OPCML: variants seen among roughly 807,000 people sequenced by gnomAD.
OPCML encodes opioid binding protein/cell adhesion molecule like.
Under a neutral mutation model 37.8 loss-of-function variants are expected in OPCML, and 13 were observed. The observed-to-expected ratio is 0.34, with a 90% CI of 0.22 to 0.55. The LOEUF (loss-of-function observed/expected upper bound fraction) is 0.55. OPCML is among the 20% of genes least tolerant of loss of function. The pLI is 0.91. For synonymous variants in OPCML, 176 were observed against 168.8 expected, an observed-to-expected ratio of 1.04 and a Z score of -0.33; for missense variants, 341 against 435.6, an observed-to-expected ratio of 0.78 and a Z score of 1.93.
intron 1 of OPCML, chr11:133,360,869 G>A (rs1473490963): frequency 2.0e-5 from 3 of 152,294 alleles, no homozygotes; most frequent in African/African-American, 7.2e-5. Context: ...TCTCTTGGAA[G>A]TGGAGGCCAC....
intron 1 of OPCML, chr11:133,006,771 C>T (rs1412860756): frequency 7.1e-6 from 7 of 985,324 alleles, no homozygotes; most frequent in Middle Eastern, 5.2e-4. Flanking sequence ...ACAACGCCTG[C>T]CCCATGCACA....
At chr11:132,854,404 T>C (rs1591706549) in intron 2 of OPCML, among the ~76,000 whole-genome samples, 1 of 152,192 alleles carries the variant, frequency 6.6e-6, no homozygotes, top group African/African-American at 2.4e-5. Context: ...TCATTGACCA[T>C]TGGTGATCAA....
At position 133,440,764 on chromosome 11, in the gene OPCML, A is replaced by G. The variant is rs780876388; in HGVS notation, c.61+91500T>C. ...AAAAAAACAGAAACCTACAGCAATTATATATATATATATATATCTGTGTGT... is the reference window on the plus strand; with the variant it reads ...AAAAAAACAGAAACCTACAGCAATTGTATATATATATATATATCTGTGTGT... On this transcript the variant is annotated intron_variant, in intron 1 of 7. Coordinates refer to ENST00000524381, the MANE Select transcript of OPCML (RefSeq NM_001012393.5). 1.1e-4 allele frequency among the ~76,000 whole-genome samples: 12 copies of G among 107,170 alleles called. 2 individuals are homozygous for G. Among genetic ancestry groups the G allele is most frequent in the African/African-American group, 2.1e-4 (2 of 9,634 alleles). The allele number at this position is 107,170 out of a possible 152,430, so 70.3% of individuals were successfully genotyped here.
At position 133,422,392 on chromosome 11, in the gene OPCML, T is replaced by TA. The variant is rs1945909519; in HGVS notation, c.61+109871dup. On this transcript the variant is annotated intron_variant, in intron 1 of 7. Transcript: ENST00000524381. ...ACCAAAGACATTATATATATATATA[T>TA]ATGTATATATGCGCCAGTTCAAACC... The TA allele has an allele frequency of 1.9e-5, 17 of 889,476 alleles. 1 individual carries two copies. The highest frequency in any genetic ancestry group is 2.1e-5 in the Non-Finnish European group (16 of 755,700). 55.1% of individuals were successfully genotyped at this position (889,476 alleles called of 1,614,324 possible). A position where few individuals can be genotyped will look rare whatever the true frequency, so the allele number is the denominator to read the frequency against.
chr11:132,764,434 G>A (rs1405277211), intron 2 of OPCML, among the ~76,000 whole-genome samples: 1 of 152,198 alleles, frequency 6.6e-6, no homozygotes, highest in Non-Finnish European at 1.5e-5. Context: ...GTGACTAACT[G>A]CATGACTGCA....
intron 3 of OPCML, among the ~76,000 whole-genome samples, chr11:132,645,089 C>A (rs1437322683): frequency 1.3e-5 from 2 of 152,196 alleles, no homozygotes; most frequent in African/African-American, 4.8e-5. Flanking sequence ...GCCAGGGCAA[C>A]CATCAGGGCA....
chr11:133,088,993 T>G (rs1412633753), intron 1 of OPCML, among the ~76,000 whole-genome samples: 2 of 152,224 alleles, frequency 1.3e-5, no homozygotes, highest in Non-Finnish European at 2.9e-5. Context: ...GTAAGTAATG[T>G]AGTTTCTAGA....
intron 1 of OPCML, among the ~76,000 whole-genome samples, chr11:133,340,479 T>C (rs985004010): frequency 1.6e-4 from 25 of 151,660 alleles, no homozygotes; most frequent in African/African-American, 6.1e-4. Flanking sequence ...CTGATCCCTA[T>C]ATAACTATTC....
intron 2 of OPCML, among the ~76,000 whole-genome samples, chr11:132,721,034 C>A (rs185512106): frequency 1.3e-5 from 2 of 152,086 alleles, no homozygotes; most frequent in African/African-American, 4.8e-5. Context: ...ATACAGAATC[C>A]CCATTTCTTC....
chr11:132,924,521 TTATC>T (rs1944924154), intron 2 of OPCML, among the ~76,000 whole-genome samples: 2 of 152,256 alleles, frequency 1.3e-5, no homozygotes, highest in Admixed American at 1.3e-4. Flanking sequence ...GAGAAAGTCT[TTATC>T]TATGTTGATG....
At chr11:132,843,056 A>G (rs2659611) in intron 2 of OPCML, among the ~76,000 whole-genome samples, 78,667 of 149,046 alleles carry the variant, frequency 0.53, 21,493 homozygotes, top group Non-Finnish European at 0.62. Context: ...ATTCTTTTAC[A>G]CTTCTACTGT....
intron 1 of OPCML, among the ~76,000 whole-genome samples, chr11:133,192,541 C>T (rs189011956): frequency 6.6e-6 from 1 of 152,178 alleles, no homozygotes; most frequent in African/African-American, 2.4e-5. Context: ...TTGTTTCCAC[C>T]GCTGGTTGCC....
At chr11:132,993,340 G>C (rs537395083) in intron 1 of OPCML, among the ~76,000 whole-genome samples, 39 of 152,176 alleles carry the variant, frequency 2.6e-4, no homozygotes, top group Admixed American at 3.3e-4. Flanking sequence ...TTCTGTCCTC[G>C]GGAGCATATT....
At chr11:133,135,397 G>T (rs1467875564) in intron 1 of OPCML, among the ~76,000 whole-genome samples, 3 of 150,814 alleles carry the variant, frequency 2.0e-5, no homozygotes, top group Non-Finnish European at 4.4e-5. Flanking sequence ...TCTTTCCTGT[G>T]CAAGAGGTGG....
chr11:132,693,891 G>T (rs1053647746), intron 2 of OPCML, among the ~76,000 whole-genome samples: 8 of 152,046 alleles, frequency 5.3e-5, no homozygotes, highest in African/African-American at 1.9e-4. Context: ...TGAGTGATTT[G>T]GTTTCAGTAT....
At chr11:133,051,464 T>A (rs976311201) in intron 1 of OPCML, among the ~76,000 whole-genome samples, 1 of 152,168 alleles carries the variant, frequency 6.6e-6, no homozygotes, top group South Asian at 2.1e-4. Context: ...TTCAGGGTAC[T>A]CACTACACTA....
In OPCML at chr11:132,419,178, G is replaced by A. The variant is rs2095948797; in HGVS notation, c.*1015C>T. ...CTGATGGTGTATAAATGAATACAGT[G>A]GGAGAGATACAATATGGTTAGAGAT... On this transcript the variant is annotated 3_prime_UTR_variant, in exon 8 of 8. Coordinates refer to ENST00000524381, the MANE Select transcript of OPCML (RefSeq NM_001012393.5). 6.6e-6 allele frequency: 1 copy of A among 152,306 alleles called. No individual in the cohort carries two copies. Among genetic ancestry groups the A allele is most frequent in the African/African-American group, 2.4e-5 (1 of 41,460 alleles). 9.4% of individuals were successfully genotyped at this position (152,306 alleles called of 1,614,324 possible). A position where few individuals can be genotyped will look rare whatever the true frequency, so the allele number is the denominator to read the frequency against.
chr11:133,497,303 G>T (rs1355934667), intron 1 of OPCML, among the ~76,000 whole-genome samples: 1 of 151,958 alleles, frequency 6.6e-6, no homozygotes, highest in Admixed American at 6.6e-5. Context: ...CAATTCTATT[G>T]TTGAGAGTTT....
At chr11:132,587,413 A>G (rs1423757676) in intron 3 of OPCML, among the ~76,000 whole-genome samples, 8 of 152,160 alleles carry the variant, frequency 5.3e-5, no homozygotes, top group Admixed American at 5.2e-4. Context: ...CAACAGCAAA[A>G]CATCAGAAGA....
Sources: gnomAD v4.1 joint callset for allele counts (sites outside exome capture counted in the v4.1 genomes callset) on GRCh38, gnomAD v4.1.1 for gene constraint, MANE v1.5 for transcripts, NCBI Gene and HGNC (gene_info 2026-07-23, HGNC 2026-07-21) for gene names.